LRBA: variants seen among roughly 807,000 people sequenced by gnomAD.
The protein encoded by LRBA is LPS responsive beige-like anchor protein.
In LRBA, 176 loss-of-function variants were observed where a neutral mutation model predicts 330.0. That is an observed-to-expected ratio of 0.53 (90% CI 0.47 to 0.60). The LOEUF (loss-of-function observed/expected upper bound fraction) is 0.60, where lower values mean the gene tolerates loss of function less well. LRBA is among the 20% of genes least tolerant of loss of function. The pLI is 0.00. For missense variants in LRBA, 3,259 were observed against 3,444.8 expected, an observed-to-expected ratio of 0.95 and a Z score of 1.35; for synonymous variants, 1,230 against 1,193.0, an observed-to-expected ratio of 1.03 and a Z score of -0.64.
intron 47 of LRBA, among the ~76,000 whole-genome samples, chr4:150,374,629 C>T (rs746177492): frequency 6.6e-6 from 1 of 152,076 alleles, no homozygotes; most frequent in Admixed American, 6.5e-5. Flanking sequence ...CAACATGATG[C>T]TAAAAGGAAA....
intron 46 of LRBA, among the ~76,000 whole-genome samples, chr4:150,432,613 T>G (rs867507467): frequency 5.1e-4 from 77 of 151,604 alleles, no homozygotes; most frequent in African/African-American, 1.7e-3. Flanking sequence ...GCCTGCCACA[T>G]TTTTTGTATT....
In LRBA at chr4:150,575,901, C is replaced by T. The variant is rs1013621614; in HGVS notation, c.6330+12147G>A. Among the ~76,000 whole-genome samples, 3 of 151,718 alleles carry T rather than the reference C, an allele frequency of 2.0e-5. 1 individual carries two copies. The South Asian group carries it at 6.2e-4, about 32-fold the overall frequency. On this transcript the variant is annotated intron_variant, in intron 40 of 56. Coordinates refer to ENST00000651943, the MANE Select transcript of LRBA (RefSeq NM_001364905.1). ...GGTCAGCTTTCAATTTTCTTTAACA[C>T]TTAAATTCATTATTATCTGATCCTG...
chr4:150,399,549 T>A (rs1008332149), intron 47 of LRBA, among the ~76,000 whole-genome samples: 2 of 151,938 alleles, frequency 1.3e-5, no homozygotes, highest in African/African-American at 4.8e-5. Context: ...ATGGTGAAAA[T>A]GAGATGCTGA....
At chr4:150,700,615 C>G (rs779190834) in intron 36 of LRBA, among the ~76,000 whole-genome samples, 9 of 152,180 alleles carry the variant, frequency 5.9e-5, no homozygotes, top group Non-Finnish European at 1.3e-4. Context: ...AATAAATTAT[C>G]CTTGCTCACT....
chr4:150,588,250 A>G, intron 39 of LRBA, 66 bp from the exon 40 acceptor site: 4 of 1,499,106 alleles, frequency 2.7e-6, no homozygotes, highest in Non-Finnish European at 3.6e-6. Context: ...AAATTCGACC[A>G]GAAATTGTAT....
chr4:150,789,064 ACT>A (rs1252796590), intron 34 of LRBA, among the ~76,000 whole-genome samples: 3 of 152,056 alleles, frequency 2.0e-5, no homozygotes, highest in African/African-American at 4.8e-5. Context: ...ACAGAGTGAG[ACT>A]CTGTCTCAAA....
intron 2 of LRBA, among the ~76,000 whole-genome samples, chr4:150,954,816 T>TAAAAAA (rs1737347256): frequency 6.0e-5 from 1 of 16,648 alleles, no homozygotes; most frequent in Non-Finnish European, 1.2e-4. Context: ...GACTCAGAAA[T>TAAAAAA]CAAAAAAAAA....
chr4:150,344,418 T>C (rs1736001329), intron 48 of LRBA, among the ~76,000 whole-genome samples: 1 of 152,242 alleles, frequency 6.6e-6, no homozygotes, highest in Admixed American at 6.5e-5. Context: ...TTCTCTAAGA[T>C]CACCAATGAC....
At chr4:150,649,714 C>T (rs1779530563) in intron 37 of LRBA, among the ~76,000 whole-genome samples, 2 of 152,134 alleles carry the variant, frequency 1.3e-5, no homozygotes, top group Non-Finnish European at 2.9e-5. Context: ...CAGGTACTTA[C>T]ATATATCACA....
At chr4:150,288,790 GTTC>G (rs1262506757) in intron 53 of LRBA, among the ~76,000 whole-genome samples, 2 of 125,204 alleles carry the variant, frequency 1.6e-5, no homozygotes, top group East Asian at 4.8e-4. Flanking sequence ...TGGTGTGATT[GTTC>G]TTTTTTTTTT....
At chr4:150,551,740 A>C (rs1766622669) in intron 40 of LRBA, among the ~76,000 whole-genome samples, 1 of 152,184 alleles carries the variant, frequency 6.6e-6, no homozygotes, top group Admixed American at 6.5e-5. Context: ...TAAGTTATAC[A>C]TGAGAGAGCC....
At chr4:150,962,507 G>A (rs1738258268) in intron 2 of LRBA, among the ~76,000 whole-genome samples, 1 of 149,270 alleles carries the variant, frequency 6.7e-6, no homozygotes, top group African/African-American at 2.6e-5. Flanking sequence ...GACAGAGTGA[G>A]ATGGATAAAT....
chr4:150,305,661 G>T (rs1280622774), intron 52 of LRBA, among the ~76,000 whole-genome samples: 2 of 152,210 alleles, frequency 1.3e-5, no homozygotes, highest in Non-Finnish European at 1.5e-5. Flanking sequence ...TACACTGGGT[G>T]TCAGGGAAGA....
At chr4:150,729,698 G>C (rs1000127204) in intron 36 of LRBA, among the ~76,000 whole-genome samples, 2 of 152,040 alleles carry the variant, frequency 1.3e-5, no homozygotes, top group African/African-American at 4.8e-5. Context: ...GCTATCCTGA[G>C]CAAAAAGAAT....
At chr4:150,716,644 T>C (rs1728238700) in intron 36 of LRBA, among the ~76,000 whole-genome samples, 1 of 152,086 alleles carries the variant, frequency 6.6e-6, no homozygotes, top group African/African-American at 2.4e-5. Flanking sequence ...AATCGATCAA[T>C]GAGGAGAAAA....
chr4:150,687,029 T>A (rs1188204603), intron 36 of LRBA, among the ~76,000 whole-genome samples: 1 of 152,040 alleles, frequency 6.6e-6, no homozygotes, highest in Non-Finnish European at 1.5e-5. Context: ...TAAATCACAT[T>A]AAAGGGCTAT....
chr4:150,491,835 G>A (rs933234144), intron 40 of LRBA, among the ~76,000 whole-genome samples: 2 of 152,022 alleles, frequency 1.3e-5, no homozygotes, highest in African/African-American at 2.4e-5. Flanking sequence ...TTGTGAAAGC[G>A]TTAAGGGAAA....
intron 20 of LRBA, 101 bp downstream of exon 20, chr4:150,870,424 T>C (rs1273052748): frequency 5.5e-6 from 4 of 727,126 alleles, no homozygotes; most frequent in Non-Finnish European, 7.5e-6. Context: ...GAAACATTCA[T>C]CTAACAATCT....
At chr4:150,320,289 T>C (rs1249322727) in intron 50 of LRBA, among the ~76,000 whole-genome samples, 1 of 152,192 alleles carries the variant, frequency 6.6e-6, no homozygotes, top group Non-Finnish European at 1.5e-5. Context: ...AAACTTTCAA[T>C]GCCTCTTTAA....
Sources: allele counts gnomAD v4.1 joint callset (sites outside exome capture counted in the v4.1 genomes callset), GRCh38; gene constraint gnomAD v4.1.1; transcripts MANE v1.5; gene names NCBI Gene and HGNC (gene_info 2026-07-23, HGNC 2026-07-21).